KIAA1217: variants seen among roughly 807,000 people sequenced by gnomAD.
KIAA1217 encodes sickle tail protein homolog.
Under a neutral mutation model 163.9 loss-of-function variants are expected in KIAA1217, and 88 were observed. The ratio of observed to expected loss-of-function variants is 0.54; its 90% CI spans 0.45 to 0.64. KIAA1217 has a LOEUF of 0.64. Ranked by LOEUF, KIAA1217 falls within the 30% of genes least tolerant of loss-of-function variation. The pLI, the probability that KIAA1217 is intolerant of heterozygous loss-of-function variation, is 0.00. For synonymous variants in KIAA1217, 903 were observed against 923.1 expected (o/e 0.98, Z 0.39); for missense variants, 2,372 against 2,475.0 (o/e 0.96, Z 0.88).
At chr10:23,791,046 T>C (rs1053455016) in intron 1 of KIAA1217, among the ~76,000 whole-genome samples, 4 of 152,180 alleles carry the variant, frequency 2.6e-5, no homozygotes, top group African/African-American at 9.7e-5. Flanking sequence ...AATAGGTCAC[T>C]TTTAAAGAAT....
chr10:23,746,645 G>T (rs551669582), intron 1 of KIAA1217, among the ~76,000 whole-genome samples: 1 of 151,970 alleles, frequency 6.6e-6, no homozygotes, highest in Non-Finnish European at 1.5e-5. Flanking sequence ...GGATGGTCCC[G>T]ATCTCCTGAC....
intron 5 of KIAA1217, among the ~76,000 whole-genome samples, chr10:24,444,742 T>C (rs1180018692): frequency 1.3e-5 from 2 of 152,226 alleles, no homozygotes; most frequent in Non-Finnish European, 2.9e-5. Flanking sequence ...CTGGTTTATT[T>C]TTATCATATG....
At position 24,543,846 on chromosome 10, in the gene KIAA1217, C is replaced by T. The variant is rs777897675; in HGVS notation, c.4576C>T (p.Leu1526=). Residue 1526 remains leucine, a synonymous_variant, in exon 19 of 21, where the codon CTG becomes TTG. Coordinates refer to ENST00000376454, the MANE Select transcript of KIAA1217 (RefSeq NM_019590.5). ...QVETKSQPHS[L]ATETRNPGGQ... ...GGAAACAAAGTCACAGCCACACTCC[C>T]TGGCCACAGAGACCAGAAACCCAGG... 6 of 1,614,066 alleles carry T rather than the reference C, an allele frequency of 3.7e-6. No homozygotes were observed. The South Asian group carries it at 6.6e-5, about 18-fold the overall frequency.
chr10:24,183,701 T>C (rs536800817), intron 2 of KIAA1217, among the ~76,000 whole-genome samples: 2 of 152,320 alleles, frequency 1.3e-5, no homozygotes, highest in South Asian at 4.2e-4. Flanking sequence ...GAACTCCCTC[T>C]CTATTTTAGG....
chr10:24,194,174 G>A (rs2130484120), intron 2 of KIAA1217, among the ~76,000 whole-genome samples: 1 of 152,148 alleles, frequency 6.6e-6, no homozygotes, highest in East Asian at 1.9e-4. Context: ...GTGACAGAGT[G>A]AGACTCCATC....
chr10:23,985,056 G>GA (rs1564587281), intron 1 of KIAA1217, among the ~76,000 whole-genome samples: 71 of 152,194 alleles, frequency 4.7e-4, no homozygotes, highest in African/African-American at 1.6e-3. Context: ...AGCTGAACAG[G>GA]CTTCTAGGAG....
intron 2 of KIAA1217, among the ~76,000 whole-genome samples, chr10:24,043,228 A>G (rs1223151620): frequency 6.6e-6 from 1 of 152,236 alleles, no homozygotes; most frequent in Non-Finnish European, 1.5e-5. Context: ...AGCAGCATTT[A>G]TAATACTTAC....
intron 5 of KIAA1217, among the ~76,000 whole-genome samples, chr10:24,461,046 A>G (rs2062353925): frequency 6.6e-6 from 1 of 152,156 alleles, no homozygotes. Context: ...AAATGGCCAT[A>G]TGGTTTCCAA....
chr10:24,035,924 C>T (rs1425925515), intron 2 of KIAA1217, among the ~76,000 whole-genome samples: 3 of 152,152 alleles, frequency 2.0e-5, no homozygotes, highest in East Asian at 1.9e-4. Context: ...TCAGAGCCAG[C>T]CCCCAGCTAT....
chr10:23,935,804 G>T (rs2131323755), intron 1 of KIAA1217, among the ~76,000 whole-genome samples: 1 of 152,088 alleles, frequency 6.6e-6, no homozygotes, highest in South Asian at 2.1e-4. Context: ...TTTTTCTTTT[G>T]GTGCTATGAG....
chr10:23,735,832 T>G (rs1053345825), intron 1 of KIAA1217, among the ~76,000 whole-genome samples: 1 of 152,198 alleles, frequency 6.6e-6, no homozygotes, highest in Non-Finnish European at 1.5e-5. Flanking sequence ...GTATAATTAA[T>G]CATATTTTGA....
chr10:24,200,309 C>T (rs750605260), intron 2 of KIAA1217, among the ~76,000 whole-genome samples: 4 of 151,602 alleles, frequency 2.6e-5, no homozygotes, highest in East Asian at 1.9e-4. Context: ...CCCGGGCTTC[C>T]GGCTAATTTT....
chr10:24,310,650 T>C (rs184246996), intron 2 of KIAA1217, among the ~76,000 whole-genome samples: 1 of 152,306 alleles, frequency 6.6e-6, no homozygotes, highest in East Asian at 1.9e-4. Flanking sequence ...TTCAGGGACC[T>C]TGCTCCAGGT....
intron 1 of KIAA1217, among the ~76,000 whole-genome samples, chr10:23,822,408 C>T (rs1004586306): frequency 6.6e-6 from 1 of 152,186 alleles, no homozygotes; most frequent in Non-Finnish European, 1.5e-5. Context: ...CTTGAACACA[C>T]ACATATCAGA....
rs532025397 is a variant in KIAA1217 at position 23,849,510 on chromosome 10, A to G, written c.-321+154276A>G. 4.6e-5 allele frequency among the ~76,000 whole-genome samples: 7 copies of G among 152,128 alleles called. No homozygotes were observed. The East Asian group carries it at 1.4e-3, about 29-fold the overall frequency. ...GTTGCTCCATCAATCCCTCCTAAGG[A>G]ATATTCTCAAAGTTGGTGTCAGGAT... On this transcript the variant is annotated intron_variant, in intron 1 of 18. Transcript: ENST00000376462.
intron 2 of KIAA1217, among the ~76,000 whole-genome samples, chr10:24,274,452 G>C (rs540145016): frequency 6.6e-6 from 1 of 151,622 alleles, no homozygotes; most frequent in South Asian, 2.1e-4. Flanking sequence ...TCTCACATCT[G>C]CAAAAAAAGT....
chr10:23,906,143 G>T lies in KIAA1217; in HGVS notation c.-320-101082G>T, dbSNP rs559419666. On this transcript the variant is annotated intron_variant, in intron 1 of 18. Transcript: ENST00000376462. ...TATCCATGAGGGCAGAGCCTTATGG[G>T]CTAATCACCTTTTAAAGGTGATTAA... is the stretch of plus-strand genomic sequence containing the variant. Among the ~76,000 whole-genome samples the T allele has an allele frequency of 2.6e-5, 4 of 152,098 alleles. No homozygotes were observed. The East Asian group carries it at 7.8e-4, about 29-fold the overall frequency.
At chr10:23,875,766 G>C (rs1840661448) in intron 1 of KIAA1217, among the ~76,000 whole-genome samples, 1 of 152,106 alleles carries the variant, frequency 6.6e-6, no homozygotes, top group South Asian at 2.1e-4. Context: ...ATACTATGTA[G>C]CCATAAAAAA....
At chr10:24,267,744 AAG>A (rs2076373011) in intron 2 of KIAA1217, among the ~76,000 whole-genome samples, 1 of 152,204 alleles carries the variant, frequency 6.6e-6, no homozygotes, top group African/African-American at 2.4e-5. Context: ...ATGCTTTAGA[AAG>A]AGAAAGCACC....
Sources: gnomAD v4.1 joint callset for allele counts (sites outside exome capture counted in the v4.1 genomes callset) on GRCh38, gnomAD v4.1.1 for gene constraint, MANE v1.5 for transcripts, NCBI Gene and HGNC (gene_info 2026-07-23, HGNC 2026-07-21) for gene names.